Variants in RASSF8 observed in about 807,000 individuals in gnomAD.
RASSF8 encodes the protein ras association domain-containing protein 8.
A neutral mutation model predicts 48.5 loss-of-function variants in RASSF8; 22 were observed. The ratio of observed to expected loss-of-function variants is 0.45; its 90% CI spans 0.32 to 0.65. The LOEUF is 0.65. Ranked by LOEUF, RASSF8 falls within the 30% of genes least tolerant of loss-of-function variation. The probability of loss-of-function intolerance (pLI) is 0.03; values close to 1 mark genes in which losing one functional copy is unlikely to be tolerated. For synonymous variants in RASSF8, 127 were observed against 171.5 expected (o/e 0.74, Z 2.03); for missense variants, 418 against 489.2 (o/e 0.85, Z 1.37).
In RASSF8 at chr12:26,072,196, A is replaced by G. The variant is rs1944013630; in HGVS notation, c.*3378A>G. On this transcript the variant is annotated 3_prime_UTR_variant, in exon 6 of 6. Transcript: ENST00000689635. ...CCTAAAGTTGTCTTTATTGGTTTAT[A>G]TTGTGTTAAAATTAGCTTATAATTA... 1 of 972,442 alleles carries G rather than the reference A, an allele frequency of 1.0e-6. No individual in the cohort carries two copies. The highest frequency in any genetic ancestry group is 1.2e-6 in the Non-Finnish European group (1 of 818,140). 60.2% of individuals were successfully genotyped at this position (972,442 alleles called of 1,614,324 possible).
chr12:25,976,514 C>T (rs568314541), intron 1 of RASSF8, among the ~76,000 whole-genome samples: 1 of 152,124 alleles, frequency 6.6e-6, no homozygotes, highest in African/African-American at 2.4e-5. Flanking sequence ...CTTTCTGCAA[C>T]GAATCAGACT....
chr12:26,030,166 A>G (rs1293787130), intron 2 of RASSF8, among the ~76,000 whole-genome samples: 1 of 152,228 alleles, frequency 6.6e-6, no homozygotes, highest in Non-Finnish European at 1.5e-5. Flanking sequence ...ATTGATAAAC[A>G]TTATAGTGAC....
chr12:25,994,857 A>C (rs902406136), intron 1 of RASSF8, 180 bp from the exon 2 acceptor site: 24 of 152,370 alleles, frequency 1.6e-4, no homozygotes, highest in Middle Eastern at 3.4e-3. Context: ...CCCCACAAGG[A>C]CTGCAATTCA....
In RASSF8 at chr12:26,043,538, G is replaced by C. The variant is rs540520227; in HGVS notation, c.-108-11698G>C. On this transcript the variant is annotated intron_variant, in intron 2 of 5. Coordinates refer to ENST00000689635, the MANE Select transcript of RASSF8 (RefSeq NM_001394098.1). ...ACCTCTAGCAGTAATCTGCAAAGTG[G>C]ATGTGCAAGGAGGGAGACAGGATGG... Among the ~76,000 whole-genome samples, 382 of 152,338 alleles carry C rather than the reference G, an allele frequency of 2.5e-3. 3 individuals are homozygous for C. The highest frequency in any genetic ancestry group is 8.7e-3 in the African/African-American group (362 of 41,570).
chr12:26,065,428 A>C (rs1465339545), intron 4 of RASSF8, 41 bp downstream of exon 4: 2 of 1,519,910 alleles, frequency 1.3e-6, no homozygotes, highest in Non-Finnish European at 1.8e-6. Context: ...GCCCATGTAA[A>C]ATAGTATCTT....
At chr12:26,049,673 G>A (rs1943449067) in intron 2 of RASSF8, among the ~76,000 whole-genome samples, 1 of 152,216 alleles carries the variant, frequency 6.6e-6, no homozygotes, top group African/African-American at 2.4e-5. Context: ...CTTTTAATAA[G>A]AAACTCAACT....
intron 1 of RASSF8, among the ~76,000 whole-genome samples, chr12:25,962,973 C>T (rs1941271520): frequency 6.6e-6 from 1 of 151,350 alleles, no homozygotes; most frequent in Non-Finnish European, 1.5e-5. Flanking sequence ...CTAAATACAT[C>T]ATTAAAATAA....
intron 1 of RASSF8, among the ~76,000 whole-genome samples, chr12:25,964,226 ATATT>A (rs1464416996): frequency 6.6e-6 from 1 of 151,794 alleles, no homozygotes; most frequent in African/African-American, 2.4e-5. Flanking sequence ...AACACCAATA[ATATT>A]TATTACCCAT....
At chr12:26,074,999 G>T (rs115215159), downstream of RASSF8, among the ~76,000 whole-genome samples, 392 of 152,284 alleles carry the variant, frequency 2.6e-3, 3 homozygotes, top group African/African-American at 9.3e-3. Context: ...GATATGTGAA[G>T]AACTGACTAA....
At chr12:26,014,591 C>T (rs1942603448) in intron 2 of RASSF8, among the ~76,000 whole-genome samples, 1 of 151,866 alleles carries the variant, frequency 6.6e-6, no homozygotes, top group Admixed American at 6.6e-5. Flanking sequence ...AGGTTGATTA[C>T]TGATTCATAG....
intron 2 of RASSF8, among the ~76,000 whole-genome samples, chr12:26,047,114 G>A (rs1943388737): frequency 6.6e-6 from 1 of 152,210 alleles, no homozygotes; most frequent in Admixed American, 6.5e-5. Context: ...CATCTCTGGA[G>A]GGTTGCAAAG....
intron 1 of RASSF8, among the ~76,000 whole-genome samples, chr12:25,983,902 G>A (rs829982): frequency 0.012 from 1,800 of 152,264 alleles, 42 homozygotes; most frequent in African/African-American, 0.041. Flanking sequence ...CCTGTTGACA[G>A]CCCTTTCTGT....
At chr12:25,962,742 T>C (rs1489223166) in intron 1 of RASSF8, among the ~76,000 whole-genome samples, 1 of 152,164 alleles carries the variant, frequency 6.6e-6, no homozygotes, top group Non-Finnish European at 1.5e-5. Flanking sequence ...TGTATCTTGA[T>C]TGCCTTCTTT....
chr12:26,003,349 A>G (rs1565613467), intron 2 of RASSF8, among the ~76,000 whole-genome samples: 1 of 152,146 alleles, frequency 6.6e-6, no homozygotes, highest in African/African-American at 2.4e-5. Context: ...TGTTGAGTTC[A>G]GTGGGCTCGT....
intron 2 of RASSF8, among the ~76,000 whole-genome samples, chr12:26,043,772 C>A (rs972508763): frequency 1.3e-5 from 2 of 152,140 alleles, no homozygotes; most frequent in Non-Finnish European, 2.9e-5. Context: ...CTATGCACGG[C>A]AACGCAGATG....
At chr12:26,009,363 CA>C (rs1942468219) in intron 2 of RASSF8, among the ~76,000 whole-genome samples, 1 of 152,138 alleles carries the variant, frequency 6.6e-6, no homozygotes, top group Non-Finnish European at 1.5e-5. Flanking sequence ...ATTCTGCCAT[CA>C]GGGGTGTTTG....
chr12:26,022,588 G>A lies in RASSF8; in HGVS notation c.-109+27458G>A, dbSNP rs181888646. Among the ~76,000 whole-genome samples, 928 of 151,974 alleles carry A rather than the reference G, an allele frequency of 6.1e-3. 13 individuals carry two copies. The highest frequency in any genetic ancestry group is 7.2e-3 in the Non-Finnish European group (490 of 67,960). On this transcript the variant is annotated intron_variant, in intron 2 of 5. Coordinates refer to ENST00000689635, the MANE Select transcript of RASSF8 (RefSeq NM_001394098.1). Reference sequence around the variant, plus strand: ...AGGAAACCATCCTTGTAGAAGTAAAGGAAGATATGATACACTGCCTCATCA... The same window carrying A: ...AGGAAACCATCCTTGTAGAAGTAAAAGAAGATATGATACACTGCCTCATCA...
In RASSF8 at chr12:26,071,615, T is replaced by C. The variant is rs1407235523; in HGVS notation, c.*2797T>C. ...GTCCCTTTCTTGTCCTTCTGAGATA[T>C]TTTGGTTTGATAACATTTTGTTTTT... On this transcript the variant is annotated 3_prime_UTR_variant, in exon 6 of 6. Transcript: ENST00000689635. 1.2e-5 allele frequency: 12 copies of C among 985,086 alleles called. No individual in the cohort carries two copies. Among genetic ancestry groups the C allele is most frequent in the African/African-American group, 1.7e-5 (1 of 57,220 alleles). The allele number at this position is 985,086 out of a possible 1,614,324, so 61.0% of individuals were successfully genotyped here. A position where few individuals can be genotyped will look rare whatever the true frequency, so the allele number is the denominator to read the frequency against.
At chr12:26,079,260 G>T in exon 6 of RASSF8, 1 of 436,762 alleles carries the variant, frequency 2.3e-6, no homozygotes, top group Admixed American at 4.2e-5. Flanking sequence ...GGAACTCACA[G>T]AACTTAAAGA....
Sources: gnomAD v4.1 joint callset for allele counts (sites outside exome capture counted in the v4.1 genomes callset) on GRCh38, gnomAD v4.1.1 for gene constraint, MANE v1.5 for transcripts, NCBI Gene and HGNC (gene_info 2026-07-23, HGNC 2026-07-21) for gene names.